Variants in AK9 observed in about 807,000 individuals in gnomAD.
AK9 encodes adenylate kinase domain containing 1.
A neutral mutation model predicts 239.6 loss-of-function variants in AK9; 191 were observed. That is an observed-to-expected ratio of 0.80 (90% CI 0.71 to 0.90). The LOEUF (loss-of-function observed/expected upper bound fraction) is 0.90. Among genes scored for constraint, AK9 ranks in the 40% least tolerant of loss-of-function variants. The pLI, the probability that AK9 is intolerant of heterozygous loss-of-function variation, is 0.00. For synonymous variants in AK9, 689 were observed against 721.0 expected, an observed-to-expected ratio of 0.96 and a Z score of 0.71; for missense variants, 1,995 against 2,214.7, an observed-to-expected ratio of 0.90 and a Z score of 1.99.
chr6:109,538,627 T>C (rs1487062026), intron 27 of AK9, among the ~76,000 whole-genome samples: 1 of 151,924 alleles, frequency 6.6e-6, no homozygotes, highest in Admixed American at 6.5e-5. Flanking sequence ...TATTGTTATG[T>C]GTGAATTTGA....
In AK9 at chr6:109,580,097, G is replaced by A. The variant is rs917512518; in HGVS notation, c.2115-471C>T. On this transcript the variant is annotated intron_variant, in intron 19 of 40. Coordinates refer to ENST00000424296, the MANE Select transcript of AK9 (RefSeq NM_001145128.3). ...GGTCAACATGGATGATGGCATATAA[G>A]TGTTTTAAGTTTTCTTTAACTTTTT... Among the ~76,000 whole-genome samples the A allele has an allele frequency of 1.1e-4, 16 of 152,188 alleles. No individual in the cohort carries two copies. The East Asian group carries it at 3.1e-3, about 29-fold the overall frequency.
intron 29 of AK9, among the ~76,000 whole-genome samples, chr6:109,518,854 G>A (rs1005898128): frequency 3.9e-5 from 6 of 151,966 alleles, no homozygotes; most frequent in Non-Finnish European, 7.4e-5. Context: ...ACGTGTGCAG[G>A]CTTGTTACAA....
chr6:109,599,241 T>A (rs1220240278), intron 17 of AK9, among the ~76,000 whole-genome samples: 1 of 152,204 alleles, frequency 6.6e-6, no homozygotes, highest in African/African-American at 2.4e-5. Flanking sequence ...CATCTTGAAT[T>A]AATTTTTGTA....
At chr6:109,494,189 C>T in intron 39 of AK9, 94 bp from the exon 40 acceptor site, 2 of 800,770 alleles carry the variant, frequency 2.5e-6, no homozygotes, top group Non-Finnish European at 4.1e-6. Context: ...TATTTCTTTG[C>T]CTCAAATAGC....
At chr6:109,622,428 T>C (rs1794982583) in intron 12 of AK9, among the ~76,000 whole-genome samples, 1 of 140,514 alleles carries the variant, frequency 7.1e-6, no homozygotes, top group South Asian at 2.3e-4. Flanking sequence ...TATAATAGTA[T>C]ACTATAGTAT....
chr6:109,546,159 G>GGTGGT, intron 25 of AK9, 32 bp from the exon 26 acceptor site: 1 of 833,724 alleles, frequency 1.2e-6, no homozygotes, highest in Non-Finnish European at 1.8e-6. Context: ...GGAGGGGTGG[G>GGTGGT]ATAAAGGGAG....
chr6:109,524,347 A>G (rs1780194888), intron 29 of AK9, among the ~76,000 whole-genome samples: 1 of 152,216 alleles, frequency 6.6e-6, no homozygotes, highest in African/African-American at 2.4e-5. Context: ...TAACCTATGT[A>G]TAACTGGGGT....
At position 109,583,392 on chromosome 6, in the gene AK9, T is replaced by C. The variant is rs565769330; in HGVS notation, c.2114+1731A>G. Among the ~76,000 whole-genome samples the C allele has an allele frequency of 6.6e-5, 10 of 152,310 alleles. No homozygotes were observed. The East Asian group carries it at 1.9e-3, about 29-fold the overall frequency. On this transcript the variant is annotated intron_variant, in intron 19 of 40. Coordinates refer to ENST00000424296, the MANE Select transcript of AK9 (RefSeq NM_001145128.3). Reference sequence around the variant, plus strand: ...TTGGAAACTGATGCTGGAAAAGTTTTAAAATTTAGCATGTCTTTAGATATT... The same window carrying C: ...TTGGAAACTGATGCTGGAAAAGTTTCAAAATTTAGCATGTCTTTAGATATT...
chr6:109,610,040 A>G (rs1467725320), intron 17 of AK9, among the ~76,000 whole-genome samples: 2 of 152,226 alleles, frequency 1.3e-5, no homozygotes, highest in South Asian at 2.1e-4. Flanking sequence ...GATGAAACAT[A>G]TAACTTTGGT....
chr6:109,580,053 A>G (rs1028023638), intron 19 of AK9, among the ~76,000 whole-genome samples: 3 of 152,226 alleles, frequency 2.0e-5, no homozygotes, highest in African/African-American at 7.2e-5. Context: ...TTAAAAGTCT[A>G]GGAGAAAACC....
intron 5 of AK9, among the ~76,000 whole-genome samples, chr6:109,663,053 A>T (rs1163527051): frequency 6.6e-6 from 1 of 152,130 alleles, no homozygotes; most frequent in Non-Finnish European, 1.5e-5. Flanking sequence ...TCTCATATTA[A>T]TATTTCATAA....
chr6:109,628,321 A>G lies in AK9; in HGVS notation c.1254+4602T>C, dbSNP rs538438954. Among the ~76,000 whole-genome samples the G allele has an allele frequency of 1.1e-3, 170 of 152,170 alleles. 1 individual carries two copies. In the South Asian group the frequency reaches 0.018, roughly 16 times the overall value. ...CCACACACACTTGGGCCTTGCTCCC[A>G]CCCTACTCACAAGCAGCTCCCTTCT... On this transcript the variant is annotated intron_variant, in intron 12 of 40. Coordinates refer to ENST00000424296, the MANE Select transcript of AK9 (RefSeq NM_001145128.3).
At chr6:109,639,868 G>C (rs970315716) in intron 10 of AK9, among the ~76,000 whole-genome samples, 1 of 152,102 alleles carries the variant, frequency 6.6e-6, no homozygotes, top group African/African-American at 2.4e-5. Context: ...TCTACATATG[G>C]CTAGCCAGTT....
chr6:109,595,727 C>T (rs1790932665), intron 17 of AK9, among the ~76,000 whole-genome samples: 1 of 152,136 alleles, frequency 6.6e-6, no homozygotes, highest in African/African-American at 2.4e-5. Flanking sequence ...TGGAAACCAT[C>T]ATTCTCAGCA....
At chr6:109,495,100 G>A (rs1776900244) in intron 39 of AK9, among the ~76,000 whole-genome samples, 1 of 152,162 alleles carries the variant, frequency 6.6e-6, no homozygotes, top group Non-Finnish European at 1.5e-5. Flanking sequence ...CAATTTTGTG[G>A]CGCTCTACTT....
chr6:109,622,484 T>C (rs1157647054), intron 12 of AK9, among the ~76,000 whole-genome samples: 2 of 138,044 alleles, frequency 1.4e-5, no homozygotes, highest in East Asian at 2.1e-4. Context: ...TATATATTAA[T>C]ATAGTGTTAA....
intron 29 of AK9, among the ~76,000 whole-genome samples, chr6:109,522,219 C>G (rs997147422): frequency 3.3e-5 from 5 of 151,966 alleles, no homozygotes; most frequent in Non-Finnish European, 7.4e-5. Flanking sequence ...CTCTTTATAC[C>G]CGCCAATCTC....
In AK9 at chr6:109,656,785, A is replaced by G. The variant is rs1799754325; in HGVS notation, c.730T>C (p.Tyr244His). The stretch of plus-strand genomic sequence containing the variant: ...AAAGTTTGGAGAATTGTTTCCTTAT[A>G]AAGCTTAACAATGTTTTCAACATTT... The part of the protein sequence containing the change: ...LENVENIVKL[Y>H]KETILQTLEE... The change falls in exon 8 of 41, where the codon TAT (tyrosine) becomes CAT (histidine). Residue 244 changes from tyrosine to histidine, a missense_variant. Tyr to His is a moderately conservative substitution (Grantham distance 83). This residue lies in a region of AK9 where 1,290 missense variants were observed against 1,392.7 expected (regional missense o/e 0.93). Transcript: ENST00000424296. The G allele has an allele frequency of 2.5e-6, 4 of 1,602,524 alleles. No homozygotes were observed. The highest frequency in any genetic ancestry group is 3.4e-6 in the Non-Finnish European group (4 of 1,170,792).
chr6:109,539,921 A>G (rs1782623500), intron 27 of AK9, among the ~76,000 whole-genome samples: 1 of 152,108 alleles, frequency 6.6e-6, no homozygotes, highest in African/African-American at 2.4e-5. Context: ...TACAGTGAAT[A>G]TTGCTGAACA....
Sources: gnomAD v4.1 joint callset for allele counts (sites outside exome capture counted in the v4.1 genomes callset) on GRCh38, gnomAD v4.1.1 for gene constraint, gnomAD v4.1.1 regional missense constraint, MANE v1.5 for transcripts, NCBI Gene and HGNC (gene_info 2026-07-23, HGNC 2026-07-21) for gene names.